PAX5: variants seen among roughly 807,000 people sequenced by gnomAD.
PAX5 encodes the protein paired box 5.
PAX5 carries 9 observed loss-of-function variants against 43.7 expected under a neutral mutation model. The ratio of observed to expected loss-of-function variants is 0.21; its 90% CI spans 0.12 to 0.36. The LOEUF (loss-of-function observed/expected upper bound fraction) is 0.36, where lower values mean the gene tolerates loss of function less well. PAX5 is among the 10% of genes least tolerant of loss of function. PAX5 has a pLI of 1.00. For missense variants in PAX5, 383 were observed against 532.7 expected (o/e 0.72, Z 2.77); for synonymous variants, 228 against 214.3 (o/e 1.06, Z -0.56).
At chr9:36,845,081 T>C (rs1232505866) in intron 9 of PAX5, among the ~76,000 whole-genome samples, 1 of 152,222 alleles carries the variant, frequency 6.6e-6, no homozygotes, top group Non-Finnish European at 1.5e-5. Context: ...CTTGTCCCCT[T>C]GGGCAGTGCA....
At chr9:36,848,976 C>T (rs1822880013) in intron 8 of PAX5, among the ~76,000 whole-genome samples, 1 of 152,234 alleles carries the variant, frequency 6.6e-6, no homozygotes, top group African/African-American at 2.4e-5. Context: ...CTGTCCCCAC[C>T]TTTCTAGCCT....
At chr9:36,857,416 T>C (rs1210868640) in intron 8 of PAX5, among the ~76,000 whole-genome samples, 1 of 152,234 alleles carries the variant, frequency 6.6e-6, no homozygotes, top group Non-Finnish European at 1.5e-5. Context: ...CAGTAAGGCA[T>C]ACTCAGTGAA....
intron 8 of PAX5, among the ~76,000 whole-genome samples, chr9:36,847,233 C>T (rs1003244629): frequency 6.6e-6 from 1 of 152,190 alleles, no homozygotes; most frequent in African/African-American, 2.4e-5. Flanking sequence ...GTCATTGGCT[C>T]ATTTTACATA....
At chr9:37,013,700 C>G (rs1016172244) in intron 3 of PAX5, among the ~76,000 whole-genome samples, 4 of 152,130 alleles carry the variant, frequency 2.6e-5, no homozygotes, top group Non-Finnish European at 4.4e-5. Flanking sequence ...ATGTCAGAAC[C>G]CCACCCTGGA....
intron 6 of PAX5, among the ~76,000 whole-genome samples, chr9:36,937,831 G>C (rs958176687): frequency 6.6e-6 from 1 of 152,210 alleles, no homozygotes; most frequent in African/African-American, 2.4e-5. Flanking sequence ...TCAGAGGACA[G>C]CAGGGCTCCC....
chr9:36,875,821 G>T (rs971672686), intron 8 of PAX5, among the ~76,000 whole-genome samples: 10 of 152,154 alleles, frequency 6.6e-5, no homozygotes, highest in African/African-American at 2.4e-4. Context: ...GCAGCAACAA[G>T]CTAGGACAAG....
intron 1 of PAX5, among the ~76,000 whole-genome samples, chr9:37,032,124 T>G (rs1227378471): frequency 1.3e-5 from 2 of 152,154 alleles, no homozygotes; most frequent in African/African-American, 4.8e-5. Context: ...CTCTAGATTT[T>G]AAGGCTTGGC....
intron 5 of PAX5, among the ~76,000 whole-genome samples, chr9:37,001,496 T>C (rs903880477): frequency 6.6e-5 from 10 of 152,232 alleles, no homozygotes; most frequent in South Asian, 2.1e-4. Context: ...GTCTGACATC[T>C]GCTCAGGAGC....
At chr9:36,857,050 T>C (rs1377657863) in intron 8 of PAX5, among the ~76,000 whole-genome samples, 1 of 152,172 alleles carries the variant, frequency 6.6e-6, no homozygotes, top group Non-Finnish European at 1.5e-5. Context: ...AAAATCCAAC[T>C]CATGTATTCA....
At chr9:36,959,394 C>G (rs182359985) in intron 6 of PAX5, among the ~76,000 whole-genome samples, 9 of 152,346 alleles carry the variant, frequency 5.9e-5, no homozygotes, top group African/African-American at 2.2e-4. Context: ...TTAGTGAGTT[C>G]TTTTAGCCTG....
chr9:36,987,254 A>G (rs888880809), intron 5 of PAX5, among the ~76,000 whole-genome samples: 2 of 152,178 alleles, frequency 1.3e-5, no homozygotes, highest in Non-Finnish European at 2.9e-5. Flanking sequence ...CAAGAACTGT[A>G]CCAGGTGTTT....
chr9:37,011,462 C>G (rs944067), intron 3 of PAX5, among the ~76,000 whole-genome samples: 88,358 of 151,990 alleles, frequency 0.58, 25,980 homozygotes, highest in Middle Eastern at 0.8. Context: ...TTGTACTCCC[C>G]ACCCCTTGGC....
At chr9:36,981,442 A>AAAC (rs1292629061) in intron 5 of PAX5, among the ~76,000 whole-genome samples, 1 of 149,986 alleles carries the variant, frequency 6.7e-6, no homozygotes, top group African/African-American at 2.4e-5. Flanking sequence ...GGCAAAAAAA[A>AAAC]AAAAACAAAA....
At chr9:36,925,182 T>A (rs912723016) in intron 6 of PAX5, among the ~76,000 whole-genome samples, 21 of 152,212 alleles carry the variant, frequency 1.4e-4, no homozygotes, top group African/African-American at 5.1e-4. Context: ...AAGTTTTGAC[T>A]GGGGGTGATG....
At chr9:36,864,802 T>A (rs1327851681) in intron 8 of PAX5, among the ~76,000 whole-genome samples, 1 of 152,178 alleles carries the variant, frequency 6.6e-6, no homozygotes, top group Non-Finnish European at 1.5e-5. Context: ...TCGGAGCCCC[T>A]CCTGGCTGGA....
intron 7 of PAX5, 37 bp downstream of exon 7, chr9:36,923,318 C>T: frequency 6.3e-7 from 1 of 1,595,196 alleles, no homozygotes; most frequent in Non-Finnish European, 8.5e-7. Context: ...CTCTCTCTCT[C>T]TCCCTCACTC....
chr9:36,976,372 A>AG (rs981079173), intron 5 of PAX5, among the ~76,000 whole-genome samples: 8 of 152,092 alleles, frequency 5.3e-5, no homozygotes, highest in Non-Finnish European at 8.8e-5. Context: ...AACAACAGGG[A>AG]GGGGGGTCCT....
At position 37,034,175 on chromosome 9, in the gene PAX5, C is replaced by G; in HGVS notation, c.-144G>C. The G allele has an allele frequency of 1.6e-6, 1 of 618,068 alleles. No homozygotes were observed. 38.3% of individuals were successfully genotyped at this position (618,068 alleles called of 1,614,324 possible). ...CGGAATAATTCAAGCCTTCCGCTCC[C>G]CCGCCGAGCTGGGGTAGCTGATCAC... On this transcript the variant is annotated 5_prime_UTR_variant, in exon 1 of 10. Coordinates refer to ENST00000358127, the MANE Select transcript of PAX5 (RefSeq NM_016734.3).
chr9:36,883,704 GA>G (rs1266448500), intron 7 of PAX5, among the ~76,000 whole-genome samples: 1 of 151,414 alleles, frequency 6.6e-6, no homozygotes, highest in Non-Finnish European at 1.5e-5. Context: ...TTAGGAAACA[GA>G]AAAGCAGACA....
Sources: gnomAD v4.1 joint callset for allele counts (sites outside exome capture counted in the v4.1 genomes callset) on GRCh38, gnomAD v4.1.1 for gene constraint, MANE v1.5 for transcripts, NCBI Gene and HGNC (gene_info 2026-07-23, HGNC 2026-07-21) for gene names.